PM20D2: variants seen among roughly 807,000 people sequenced by gnomAD.
PM20D2 encodes peptidase M20 domain containing 2, also known as xaa-Arg dipeptidase.
PM20D2 carries 33 observed loss-of-function variants against 42.9 expected under a neutral mutation model. That is an observed-to-expected ratio of 0.77 (90% CI 0.58 to 1.03). The LOEUF is 1.03. Ranked by LOEUF, PM20D2 falls within the 50% of genes least tolerant of loss-of-function variation. The probability of loss-of-function intolerance (pLI) is 0.00; values close to 1 mark genes in which losing one functional copy is unlikely to be tolerated. For synonymous variants in PM20D2, 250 were observed against 228.2 expected (o/e 1.10, Z -0.86); for missense variants, 548 against 557.0 (o/e 0.98, Z 0.16).
intron 1 of PM20D2, 81 bp downstream of exon 1, chr6:89,146,690 C>A: frequency 8.4e-7 from 1 of 1,194,544 alleles, no homozygotes; most frequent in Non-Finnish European, 1.1e-6. Context: ...TCTCGTGCGT[C>A]CCGCGCGCCT....
chr6:89,142,887 T>C (rs1239061551), upstream of PM20D2, among the ~76,000 whole-genome samples: 1 of 152,112 alleles, frequency 6.6e-6, no homozygotes, highest in Non-Finnish European at 1.5e-5. Context: ...CTCCATCTCC[T>C]GACCTCGTGA....
At chr6:89,102,964 T>C in the PM20D2 span, among the ~76,000 whole-genome samples, 171 of 152,246 alleles carry the variant, frequency 1.1e-3, 1 homozygote, top group African/African-American at 3.9e-3. Context: ...GGGGTCTCAC[T>C]ATGTTGCCCA....
chr6:89,107,275 A>G, the PM20D2 span: 1 of 1,596,006 alleles, frequency 6.3e-7, no homozygotes, highest in South Asian at 1.1e-5. Flanking sequence ...TGTTTTAGAA[A>G]TAAGGCAAAG....
At chr6:89,115,300 G>T in the PM20D2 span, among the ~76,000 whole-genome samples, 60 of 151,708 alleles carry the variant, frequency 4.0e-4, no homozygotes, top group African/African-American at 1.3e-3. Context: ...TTTATTTTTT[G>T]AGACAGAGTC....
intron 3 of PM20D2, among the ~76,000 whole-genome samples, chr6:89,153,994 T>C (rs993836450): frequency 6.6e-6 from 1 of 152,222 alleles, no homozygotes; most frequent in Admixed American, 6.5e-5. Context: ...GTTTAATTTA[T>C]TTCCTTATGA....
In PM20D2 at chr6:89,157,683, T is replaced by C. The variant is rs200818796; in HGVS notation, c.913-642T>C. On this transcript the variant is annotated intron_variant, in intron 4 of 6. Transcript: ENST00000275072. ...CAGAGTGTGGTTTTTGGGTCACCTA[T>C]GTCAGAATTACTTTGAGGTGCTGGT... 4.9e-4 allele frequency among the ~76,000 whole-genome samples: 74 copies of C among 152,326 alleles called. No homozygotes were observed. The East Asian group carries it at 6.0e-3, about 12-fold the overall frequency.
At chr6:89,110,132 A>G in the PM20D2 span, among the ~76,000 whole-genome samples, 1 of 152,216 alleles carries the variant, frequency 6.6e-6, no homozygotes, top group African/African-American at 2.4e-5. Context: ...CATACTTGCC[A>G]TAATTTTCAG....
the PM20D2 span, among the ~76,000 whole-genome samples, chr6:89,111,022 G>C: frequency 1.1e-4 from 16 of 151,996 alleles, no homozygotes; most frequent in Non-Finnish European, 2.4e-4. Flanking sequence ...TGAGGAAGAA[G>C]AATCACTTGA....
chr6:89,116,670 G>T, the PM20D2 span, among the ~76,000 whole-genome samples: 1 of 151,858 alleles, frequency 6.6e-6, no homozygotes, highest in Non-Finnish European at 1.5e-5. Flanking sequence ...ATCTACTTTG[G>T]ATGCTGAGGC....
the PM20D2 span, among the ~76,000 whole-genome samples, chr6:89,107,486 T>C: frequency 6.6e-6 from 1 of 152,120 alleles, no homozygotes; most frequent in African/African-American, 2.4e-5. Flanking sequence ...TCCCAGCACT[T>C]TGGGGGACCA....
chr6:89,149,400 A>G lies in PM20D2; in HGVS notation c.601A>G (p.Met201Val), dbSNP rs767591768. 1.2e-5 allele frequency: 20 copies of G among 1,613,900 alleles called. No individual in the cohort carries two copies. Among genetic ancestry groups the G allele is most frequent in the South Asian group, 4.4e-5 (4 of 91,062 alleles). ...SQENAAYLPDMAEHDVTVKYY... is the reference protein window; with the variant it reads ...SQENAAYLPDVAEHDVTVKYY... Reference sequence around the variant, plus strand: ...AGAGAATGCTGCTTATCTACCAGATATGGCTGAACATGAGTGAGTAATCAA... The same window carrying G: ...AGAGAATGCTGCTTATCTACCAGATGTGGCTGAACATGAGTGAGTAATCAA... Residue 201 changes from methionine to valine, a missense_variant, in exon 2 of 7, where the codon ATG becomes GTG. By Grantham distance (21) the Met-to-Val change is conservative. Coordinates refer to ENST00000275072, the MANE Select transcript of PM20D2 (RefSeq NM_001010853.3).
chr6:89,097,526 T>C, the PM20D2 span: 2 of 152,150 alleles, frequency 1.3e-5, no homozygotes, highest in South Asian at 4.1e-4. Context: ...TTCTTCTTTT[T>C]TTTAAATTTT....
chr6:89,117,973 T>TCCGCCGGCCCCCGGCGCGA, the PM20D2 span: 6 of 1,414,348 alleles, frequency 4.2e-6, no homozygotes, highest in Non-Finnish European at 4.7e-6. Flanking sequence ...CCACAGGAGC[T>TCCGCCGGCCCCCGGCGCGA]CCGCCGGCCC....
the PM20D2 span, chr6:89,098,483 T>C: frequency 7.0e-7 from 1 of 1,430,582 alleles, no homozygotes; most frequent in Non-Finnish European, 9.3e-7. Flanking sequence ...TAATATCAAC[T>C]CGCATTTTCT....
intron 2 of PM20D2, among the ~76,000 whole-genome samples, chr6:89,151,119 C>G (rs1424350433): frequency 6.9e-6 from 1 of 144,422 alleles, no homozygotes; most frequent in Non-Finnish European, 1.5e-5. Context: ...CCATTGCACT[C>G]CAGCCTGGCC....
At chr6:89,103,665 G>T in the PM20D2 span, among the ~76,000 whole-genome samples, 1 of 150,960 alleles carries the variant, frequency 6.6e-6, no homozygotes, top group Non-Finnish European at 1.5e-5. Context: ...TCACCATATT[G>T]CTCAGGATGG....
chr6:89,102,340 C>T, the PM20D2 span, among the ~76,000 whole-genome samples: 366 of 152,160 alleles, frequency 2.4e-3, 4 homozygotes, highest in African/African-American at 8.1e-3. Flanking sequence ...GATGGGGTTT[C>T]GCCATGTTGG....
the PM20D2 span, among the ~76,000 whole-genome samples, chr6:89,111,295 G>T: frequency 6.6e-6 from 1 of 152,106 alleles, no homozygotes; most frequent in African/African-American, 2.4e-5. Flanking sequence ...TAGTAGAGAT[G>T]GGGTTTTGTT....
At chr6:89,116,113 A>G in the PM20D2 span, among the ~76,000 whole-genome samples, 1 of 152,218 alleles carries the variant, frequency 6.6e-6, no homozygotes, top group African/African-American at 2.4e-5. Context: ...TTTAGATGGC[A>G]TATTTCCTTT....
Sources: allele counts gnomAD v4.1 joint callset (sites outside exome capture counted in the v4.1 genomes callset), GRCh38; gene constraint gnomAD v4.1.1; transcripts MANE v1.5; gene names NCBI Gene and HGNC (gene_info 2026-07-23, HGNC 2026-07-21).